MIGA1: variants seen among roughly 807,000 people sequenced by gnomAD.
MIGA1 encodes mitoguardin 1.
Under a neutral mutation model 82.0 loss-of-function variants are expected in MIGA1, and 58 were observed. The observed-to-expected ratio is 0.71, with a 90% CI of 0.57 to 0.88. The LOEUF is 0.88. MIGA1 is among the 40% of genes least tolerant of loss of function. The probability of loss-of-function intolerance (pLI) is 0.00; values close to 1 mark genes in which losing one functional copy is unlikely to be tolerated. For missense variants in MIGA1, 751 were observed against 749.1 expected (o/e 1.00, Z -0.03); for synonymous variants, 249 against 253.6 (o/e 0.98, Z 0.17).
intron 7 of MIGA1, among the ~76,000 whole-genome samples, chr1:77,834,929 G>A (rs1269848639): frequency 2.6e-5 from 4 of 152,196 alleles, no homozygotes; most frequent in African/African-American, 9.7e-5. Context: ...TGAGACAATT[G>A]GCAGGCTTCC....
At chr1:77,802,868 T>C (rs1437911664) in intron 3 of MIGA1, among the ~76,000 whole-genome samples, 1 of 152,084 alleles carries the variant, frequency 6.6e-6, no homozygotes, top group Non-Finnish European at 1.5e-5. Context: ...ATAACTAATT[T>C]CAATGCAATG....
intron 4 of MIGA1, among the ~76,000 whole-genome samples, chr1:77,803,848 G>A (rs779683301): frequency 3.2e-4 from 48 of 152,036 alleles, no homozygotes; most frequent in Non-Finnish European, 6.6e-4. Flanking sequence ...GTGTTTGATA[G>A]CACAATAGGG....
intron 7 of MIGA1, among the ~76,000 whole-genome samples, chr1:77,827,254 T>C (rs1403097842): frequency 6.6e-6 from 1 of 152,134 alleles, no homozygotes; most frequent in Non-Finnish European, 1.5e-5. Flanking sequence ...ACTTTTTTTC[T>C]TAATAGCCAG....
intron 2 of MIGA1, among the ~76,000 whole-genome samples, chr1:77,785,275 G>A (rs1409486397): frequency 6.6e-6 from 1 of 152,098 alleles, no homozygotes; most frequent in Non-Finnish European, 1.5e-5. Flanking sequence ...TATTCCGAAT[G>A]GGAAAAATTG....
intron 8 of MIGA1, among the ~76,000 whole-genome samples, chr1:77,843,820 C>T (rs1684715388): frequency 6.6e-6 from 1 of 151,716 alleles, no homozygotes; most frequent in African/African-American, 2.4e-5. Flanking sequence ...CACTGTTGGC[C>T]AGGTGCAGTG....
chr1:77,809,590 A>C (rs1256210936), intron 5 of MIGA1, among the ~76,000 whole-genome samples: 3 of 152,116 alleles, frequency 2.0e-5, no homozygotes, highest in Non-Finnish European at 4.4e-5. Context: ...ACCAAAAAAA[A>C]CTAAAAAAAA....
intron 7 of MIGA1, among the ~76,000 whole-genome samples, chr1:77,829,914 C>T (rs1684182255): frequency 1.6e-5 from 2 of 124,028 alleles, no homozygotes; most frequent in East Asian, 5.8e-4. Context: ...TGTCAGGTCT[C>T]TTTCTGTGTG....
At chr1:77,783,562 AT>A (rs1166655059) in intron 2 of MIGA1, among the ~76,000 whole-genome samples, 1 of 152,056 alleles carries the variant, frequency 6.6e-6, no homozygotes, top group African/African-American at 2.4e-5. Flanking sequence ...TTACTTAAAA[AT>A]TTTTTTCTGT....
intron 2 of MIGA1, among the ~76,000 whole-genome samples, chr1:77,788,708 G>A (rs1004258229): frequency 1.3e-5 from 2 of 152,082 alleles, no homozygotes; most frequent in African/African-American, 2.4e-5. Flanking sequence ...CTCCATTTCC[G>A]ACTGAATGGT....
At chr1:77,795,390 C>T (rs2101727320) in intron 2 of MIGA1, among the ~76,000 whole-genome samples, 1 of 151,870 alleles carries the variant, frequency 6.6e-6, no homozygotes, top group Non-Finnish European at 1.5e-5. Flanking sequence ...CTCTGTTGCC[C>T]AGGCAGGAGT....
chr1:77,854,977 T>C (rs1164697609), intron 8 of MIGA1, among the ~76,000 whole-genome samples: 1 of 152,244 alleles, frequency 6.6e-6, no homozygotes, highest in African/African-American at 2.4e-5. Flanking sequence ...CCTAAGCCAA[T>C]GTCTAGAAGG....
chr1:77,871,203 T>C (rs1487173178), intron 14 of MIGA1, among the ~76,000 whole-genome samples: 3 of 151,666 alleles, frequency 2.0e-5, no homozygotes, highest in Non-Finnish European at 4.4e-5. Context: ...TATCTTATAT[T>C]TTAAAAATGA....
intron 14 of MIGA1, among the ~76,000 whole-genome samples, chr1:77,870,191 G>C (rs1200419959): frequency 9.2e-6 from 1 of 108,742 alleles, no homozygotes; most frequent in Admixed American, 8.6e-5. Flanking sequence ...CTCACCTCCC[G>C]GACGGGGCGG....
chr1:77,857,638 A>T (rs1276049965), intron 8 of MIGA1, among the ~76,000 whole-genome samples: 1 of 151,588 alleles, frequency 6.6e-6, no homozygotes, highest in African/African-American at 2.4e-5. Flanking sequence ...TGATTGTGCC[A>T]CTGCACTACA....
chr1:77,814,216 G>A (rs765582762), intron 6 of MIGA1, among the ~76,000 whole-genome samples: 2 of 152,122 alleles, frequency 1.3e-5, no homozygotes, highest in Non-Finnish European at 2.9e-5. Context: ...TTGATTCAGT[G>A]TATTTGCTTT....
chr1:77,820,289 G>A (rs150284924), intron 7 of MIGA1, among the ~76,000 whole-genome samples: 2 of 152,210 alleles, frequency 1.3e-5, no homozygotes, highest in African/African-American at 2.4e-5. Flanking sequence ...GGGCCTGACT[G>A]TGACCCTGAA....
At chr1:77,822,383 A>G (rs925400611) in intron 7 of MIGA1, among the ~76,000 whole-genome samples, 2 of 152,134 alleles carry the variant, frequency 1.3e-5, no homozygotes, top group Admixed American at 1.3e-4. Flanking sequence ...CTATGTTGGT[A>G]CCTATGCACT....
At chr1:77,811,264 A>G in intron 5 of MIGA1, 2 of 1,585,292 alleles carry the variant, frequency 1.3e-6, no homozygotes, top group South Asian at 1.1e-5. Flanking sequence ...AATTTTCGCA[A>G]TTCTGATAGT....
At chr1:77,848,741 A>T in intron 8 of MIGA1, 2 of 1,471,072 alleles carry the variant, frequency 1.4e-6, no homozygotes, top group Non-Finnish European at 1.9e-6. Context: ...AGAGACAGGT[A>T]CTTGGCCAGG....
Sources: allele counts gnomAD v4.1 joint callset (sites outside exome capture counted in the v4.1 genomes callset), GRCh38; gene constraint gnomAD v4.1.1; transcripts MANE v1.5; gene names NCBI Gene and HGNC (gene_info 2026-07-23, HGNC 2026-07-21).